EPM2AIP1: variants seen among roughly 807,000 people sequenced by gnomAD.
EPM2AIP1 encodes EPM2A-interacting protein 1.
In EPM2AIP1, 23 loss-of-function variants were observed where a neutral mutation model predicts 44.8. That is an observed-to-expected ratio of 0.51 (90% CI 0.37 to 0.73). The LOEUF is 0.73. EPM2AIP1 is among the 30% of genes least tolerant of loss of function. The pLI is 0.00. For missense variants in EPM2AIP1, 652 were observed against 743.9 expected, an observed-to-expected ratio of 0.88 and a Z score of 1.44; for synonymous variants, 311 against 284.3, an observed-to-expected ratio of 1.09 and a Z score of -0.94.
rs747579058 is a variant in EPM2AIP1, at chr3:36,990,916, C to G, written c.*338G>C. The stretch of plus-strand genomic sequence containing the variant: ...TTTTAACACTCCATTAAAATAAGAG[C>G]TGAAATTTTTGGCATTTATCTTCAG... On this transcript the variant is annotated 3_prime_UTR_variant, in exon 1 of 1. Coordinates refer to ENST00000322716, the MANE Select transcript of EPM2AIP1 (RefSeq NM_014805.4). The G allele has an allele frequency of 1.3e-4, 130 of 1,008,008 alleles. No homozygotes were observed. The highest frequency in any genetic ancestry group is 1.5e-4 in the Non-Finnish European group (123 of 844,310). 62.4% of individuals were successfully genotyped at this position (1,008,008 alleles called of 1,614,324 possible).
Position 36,989,363 on chromosome 3 carries a change from T to G in EPM2AIP1, c.*1891A>C, listed in dbSNP as rs887158035. 19 of 152,080 alleles carry G rather than the reference T, an allele frequency of 1.2e-4. No homozygotes were observed. The highest frequency in any genetic ancestry group is 4.6e-4 in the African/African-American group (19 of 41,412). 9.4% of individuals were successfully genotyped at this position (152,080 alleles called of 1,614,324 possible). ...TTACTCTATTAACCAAAATCTCAGC[T>G]TGACCATTCTTGATAAGTACCTAAT... On this transcript the variant is annotated 3_prime_UTR_variant, in exon 1 of 1. Transcript: ENST00000322716.
Position 36,991,259 on chromosome 3 carries a change from G to T in EPM2AIP1, c.1819C>A (p.Pro607Thr). The change falls in exon 1 of 1, where the codon CCA (proline) becomes ACA (threonine). Residue 607 changes from proline (P) to threonine (T), a missense_variant. Coordinates refer to ENST00000322716, the MANE Select transcript of EPM2AIP1 (RefSeq NM_014805.4). ...DLVRERNESN[P>T] ...CAATCTTGTACTACAAAGCCTTATG[G>T]ATTAGATTCATTTCTTTCTCTCACA... The T allele has an allele frequency of 6.2e-7, 1 of 1,602,962 alleles. No homozygotes were observed.
In EPM2AIP1 at chr3:36,992,429, G is replaced by T; in HGVS notation, c.649C>A (p.His217Asn). The T allele has an allele frequency of 1.2e-6, 2 of 1,613,962 alleles. No homozygotes were observed. The highest frequency in any genetic ancestry group is 1.7e-6 in the Non-Finnish European group (2 of 1,179,886). The change falls in exon 1 of 1, where the codon CAT (histidine) becomes AAT (asparagine). Residue 217 changes from histidine (H) to asparagine (N), a missense_variant. Physicochemically the swap from His to Asn is moderately conservative, Grantham distance 68. Transcript: ENST00000322716. The surrounding 1 kb of genome is among the most constrained non-coding windows in gnomAD (Gnocchi z 5.3). ...DLLTIINLTH[H>N]FSVGALMSAI... Reference sequence around the variant, plus strand: ...GACATGAGCGCACCAACACTGAAATGATGAGTCAGGTTGATTATGGTCAGA... The same window carrying T: ...GACATGAGCGCACCAACACTGAAATTATGAGTCAGGTTGATTATGGTCAGA...
Position 36,991,497 on chromosome 3 carries a change from C to A in EPM2AIP1, c.1581G>T (p.Gln527His). The stretch of plus-strand genomic sequence containing the variant: ...ATTCAGCAGACAATCCAGCATAAAA[C>A]TGCCCCAAGTCTTTGATTCTGTATT... ...WNEYRIKDLGQFYAGLSAESY... is the reference protein window; with the variant it reads ...WNEYRIKDLGHFYAGLSAESY... Residue 527 changes from glutamine (Q) to histidine (H), a missense_variant, in exon 1 of 1, where the codon CAG (glutamine) becomes CAT (histidine). Transcript: ENST00000322716. 2 of 1,613,916 alleles carry A rather than the reference C, an allele frequency of 1.2e-6. No individual in the cohort carries two copies. The highest frequency in any genetic ancestry group is 1.7e-6 in the Non-Finnish European group (2 of 1,179,842).
rs2080776768 is a variant in EPM2AIP1 at position 36,987,503 on chromosome 3, T to C, written c.*3751A>G. ...GTAAAAAAAAATAAGATTCTATACA[T>C]GGATATGCAAACTTAATATTACATA... On this transcript the variant is annotated 3_prime_UTR_variant, in exon 1 of 1. Coordinates refer to ENST00000322716, the MANE Select transcript of EPM2AIP1 (RefSeq NM_014805.4). 1 of 151,310 alleles carries C rather than the reference T, an allele frequency of 6.6e-6. No homozygotes were observed. The highest frequency in any genetic ancestry group is 6.6e-5 in the Admixed American group (1 of 15,212). The allele number at this position is 151,310 out of a possible 1,614,324, so 9.4% of individuals were successfully genotyped here.
At position 36,990,370 on chromosome 3, in the gene EPM2AIP1, T is replaced by C. The variant is rs1163117967; in HGVS notation, c.*884A>G. 6 of 977,834 alleles carry C rather than the reference T, an allele frequency of 6.1e-6. No homozygotes were observed. Among genetic ancestry groups the C allele is most frequent in the Non-Finnish European group, 7.3e-6 (6 of 823,388 alleles). The allele number at this position is 977,834 out of a possible 1,614,324, so 60.6% of individuals were successfully genotyped here. On this transcript the variant is annotated 3_prime_UTR_variant, in exon 1 of 1. Transcript: ENST00000322716. The stretch of plus-strand genomic sequence containing the variant: ...GATAAGACAAAAAAGCTAAAATATC[T>C]CACACCTCCTAATCCTGGAGTGCAA...
Position 36,990,306 on chromosome 3 carries a change from A to T in EPM2AIP1, c.*948T>A. The T allele has an allele frequency of 2.2e-6, 1 of 458,022 alleles. No individual in the cohort carries two copies. Among genetic ancestry groups the T allele is most frequent in the Non-Finnish European group, 2.9e-6 (1 of 347,936 alleles). The allele number at this position is 458,022 out of a possible 1,614,324, so 28.4% of individuals were successfully genotyped here. A position where few individuals can be genotyped will look rare whatever the true frequency, so the allele number is the denominator to read the frequency against. ...CATTTTAAAACAAAGTGTTTACTTT[A>T]GGCAGGATTTTTTAAAATAAAGCAG... On this transcript the variant is annotated 3_prime_UTR_variant, in exon 1 of 1. Transcript: ENST00000322716.
rs1185049720 is a variant in EPM2AIP1 at position 36,986,379 on chromosome 3, A to G, written c.*4875T>C. ...GAAGAGAATTCAAATTCAAGTACTTACTGGGTAGGATGAGGCAACATTTTA... is the reference window on the plus strand; with the variant it reads ...GAAGAGAATTCAAATTCAAGTACTTGCTGGGTAGGATGAGGCAACATTTTA... On this transcript the variant is annotated 3_prime_UTR_variant, in exon 1 of 1. Transcript: ENST00000322716. The G allele has an allele frequency of 6.6e-5, 10 of 152,238 alleles. No individual in the cohort carries two copies. Among genetic ancestry groups the G allele is most frequent in the Non-Finnish European group, 1.3e-4 (9 of 68,044 alleles). The allele number at this position is 152,238 out of a possible 1,614,324, so 9.4% of individuals were successfully genotyped here. A position where few individuals can be genotyped will look rare whatever the true frequency, so the allele number is the denominator to read the frequency against.
In EPM2AIP1 at chr3:36,990,615, AAC is replaced by A; in HGVS notation, c.*637_*638del. The A allele has an allele frequency of 1.0e-6, 1 of 985,594 alleles. No individual in the cohort carries two copies. Among genetic ancestry groups the A allele is most frequent in the Non-Finnish European group, 1.2e-6 (1 of 829,732 alleles). The allele number at this position is 985,594 out of a possible 1,614,324, so 61.1% of individuals were successfully genotyped here. ...ATTGCATGAAGTCTCCTATATCTGA[AAC>A]TTAAAAATGATTCTAATGACTTCCT... is the stretch of plus-strand genomic sequence containing the variant. On this transcript the variant is annotated 3_prime_UTR_variant, in exon 1 of 1. Coordinates refer to ENST00000322716, the MANE Select transcript of EPM2AIP1 (RefSeq NM_014805.4).
In EPM2AIP1 at chr3:36,985,545, A is replaced by G. The variant is rs1350964813; in HGVS notation, c.*5709T>C. On this transcript the variant is annotated 3_prime_UTR_variant, in exon 1 of 1. Transcript: ENST00000322716. Reference sequence around the variant, plus strand: ...TCTGGTTTTTCTCCCAGGTATATGCAAGGATCACACTCCTCCTAGAACTTT... The same window carrying G: ...TCTGGTTTTTCTCCCAGGTATATGCGAGGATCACACTCCTCCTAGAACTTT... The G allele has an allele frequency of 6.6e-6, 1 of 152,256 alleles. No individual in the cohort carries two copies. The highest frequency in any genetic ancestry group is 1.9e-4 in the East Asian group (1 of 5,204). 9.4% of individuals were successfully genotyped at this position (152,256 alleles called of 1,614,324 possible).
chr3:36,987,600 A>C lies in EPM2AIP1; in HGVS notation c.*3654T>G, dbSNP rs1000269549. ...TACTGTGTTTACCAGGGAAAACCGC[A>C]ATTTGTTATCCTTCTCTCCTTTCAT... is the stretch of plus-strand genomic sequence containing the variant. On this transcript the variant is annotated 3_prime_UTR_variant, in exon 1 of 1. Transcript: ENST00000322716. 1.4e-5 allele frequency: 2 copies of C among 145,228 alleles called. No homozygotes were observed. The highest frequency in any genetic ancestry group is 4.7e-4 in the South Asian group (2 of 4,214). The allele number at this position is 145,228 out of a possible 1,614,324, so 9.0% of individuals were successfully genotyped here. A position where few individuals can be genotyped will look rare whatever the true frequency, so the allele number is the denominator to read the frequency against.
chr3:36,989,852 A>C lies in EPM2AIP1; in HGVS notation c.*1402T>G, dbSNP rs567654037. ...GCACAACTTTGGTTTTTAAGCTCTT[A>C]TGCCATTTATTTTAATTGCCCAGAC... On this transcript the variant is annotated 3_prime_UTR_variant, in exon 1 of 1. Coordinates refer to ENST00000322716, the MANE Select transcript of EPM2AIP1 (RefSeq NM_014805.4). 3 of 152,164 alleles carry C rather than the reference A, an allele frequency of 2.0e-5. No individual in the cohort carries two copies. The highest frequency in any genetic ancestry group is 4.4e-5 in the Non-Finnish European group (3 of 68,030). 9.4% of individuals were successfully genotyped at this position (152,164 alleles called of 1,614,324 possible).
Position 36,992,753 on chromosome 3 carries a change from C to T in EPM2AIP1, c.325G>A (p.Ala109Thr). Residue 109 changes from alanine to threonine, a missense_variant, in exon 1 of 1, where the codon GCC (alanine) becomes ACC (threonine). Coordinates refer to ENST00000322716, the MANE Select transcript of EPM2AIP1 (RefSeq NM_014805.4). This position sits in a 1 kb window ranked among gnomAD's most constrained non-coding sequence, Gnocchi z 5.3. ...TCACCCCAGCCGCGACCCTTCAAGG[C>T]CAAGAGGCGGCAGAGCCCGAGGCCT... ...RAGLGLCRLL[A>T]LKGRGWGEGD... 3 of 1,613,908 alleles carry T rather than the reference C, an allele frequency of 1.9e-6. No individual in the cohort carries two copies. The highest frequency in any genetic ancestry group is 1.1e-5 in the South Asian group (1 of 91,092).
In EPM2AIP1 at chr3:36,992,129, C is replaced by T. The variant is rs1575368353; in HGVS notation, c.949G>A (p.Glu317Lys). The change falls in exon 1 of 1, where the codon GAA becomes AAA. Residue 317 changes from glutamate (E) to lysine (K), a missense_variant. Coordinates refer to ENST00000322716, the MANE Select transcript of EPM2AIP1 (RefSeq NM_014805.4). This position sits in a 1 kb window ranked among gnomAD's most constrained non-coding sequence, Gnocchi z 5.3. Reference sequence around the variant, plus strand: ...GATTCCGTTAGTAAAGTCTGAAATTCAGGTCGCCTAACGCCTCTGGTCTTA... The same window carrying T: ...GATTCCGTTAGTAAAGTCTGAAATTTAGGTCGCCTAACGCCTCTGGTCTTA... ...LIKTRGVRRP[E>K]FQTLLTESES... The T allele has an allele frequency of 6.2e-7, 1 of 1,613,930 alleles. No individual in the cohort carries two copies. The highest frequency in any genetic ancestry group is 1.3e-5 in the African/African-American group (1 of 74,944).
Position 36,991,318 on chromosome 3 carries a change from G to A in EPM2AIP1, c.1760C>T (p.Ala587Val), listed in dbSNP as rs776348712. The A allele has an allele frequency of 1.2e-6, 2 of 1,613,800 alleles. No homozygotes were observed. Among genetic ancestry groups the A allele is most frequent in the South Asian group, 1.1e-5 (1 of 91,078 alleles). ...DEHLQALFRVATTEMEPGWDD... is the reference protein window; with the variant it reads ...DEHLQALFRVVTTEMEPGWDD... ...CCAACCGGGCTCCATTTCAGTTGTG[G>A]CAACCCGAAACAGGGCTTGGAGATG... Residue 587 changes from alanine to valine, a missense_variant, in exon 1 of 1, where the codon GCC becomes GTC. Physicochemically the swap from Ala to Val is moderately conservative, Grantham distance 64. Coordinates refer to ENST00000322716, the MANE Select transcript of EPM2AIP1 (RefSeq NM_014805.4).
rs781599723 is a variant in EPM2AIP1 at position 36,992,790 on chromosome 3, T to C, written c.288A>G (p.Arg96=). 47 of 1,613,300 alleles carry C rather than the reference T, an allele frequency of 2.9e-5. 1 individual carries two copies. The South Asian group carries it at 4.8e-4, about 17-fold the overall frequency. The change falls in exon 1 of 1, where the codon AGA becomes AGG. Residue 96 remains arginine, a synonymous_variant. Coordinates refer to ENST00000322716, the MANE Select transcript of EPM2AIP1 (RefSeq NM_014805.4). This position sits in a 1 kb window ranked among gnomAD's most constrained non-coding sequence, Gnocchi z 5.3. The stretch of plus-strand genomic sequence containing the variant: ...AGAGCCCGAGGCCTGCACGAGCAGC[T>C]CTCTCTTCAGGAGTGAAGGAGGCCA... ...LPVASFTPEE[R]AARAGLGLCR...
chr3:36,986,730 T>G lies in EPM2AIP1; in HGVS notation c.*4524A>C, dbSNP rs1345623532. ...CAGGAAGGCAGAGATTGCATTGAGCTGAGATTGTACCTCTGCACTCCAGCC... is the reference window on the plus strand; with the variant it reads ...CAGGAAGGCAGAGATTGCATTGAGCGGAGATTGTACCTCTGCACTCCAGCC... On this transcript the variant is annotated 3_prime_UTR_variant, in exon 1 of 1. Transcript: ENST00000322716. 7.2e-6 allele frequency: 1 copy of G among 139,496 alleles called. No homozygotes were observed. Among genetic ancestry groups the G allele is most frequent in the Non-Finnish European group, 1.5e-5 (1 of 66,538 alleles). The allele number at this position is 139,496 out of a possible 1,614,324, so 8.6% of individuals were successfully genotyped here. A position where few individuals can be genotyped will look rare whatever the true frequency, so the allele number is the denominator to read the frequency against.
chr3:36,992,647 T>C lies in EPM2AIP1; in HGVS notation c.431A>G (p.Asp144Gly). 6.2e-7 allele frequency: 1 copy of C among 1,614,022 alleles called. No homozygotes were observed. Among genetic ancestry groups the C allele is most frequent in the Middle Eastern group, 1.6e-4 (1 of 6,062 alleles). Residue 144 changes from aspartate (D) to glycine (G), a missense_variant, in exon 1 of 1, where the codon GAC becomes GGC. Coordinates refer to ENST00000322716, the MANE Select transcript of EPM2AIP1 (RefSeq NM_014805.4). The surrounding 1 kb of genome is among the most constrained non-coding windows in gnomAD (Gnocchi z 5.3). The part of the protein sequence containing the change: ...PEHVSVLQGV[D>G]LSPDITRQRI... ...CTGCCTTGTGATATCTGGAGATAAG[T>C]CAACGCCTTGCAGGACGCTTACATG... is the stretch of plus-strand genomic sequence containing the variant.
Position 36,992,501 on chromosome 3 carries a change from C to G in EPM2AIP1, c.577G>C (p.Val193Leu), listed in dbSNP as rs1271718655. The G allele has an allele frequency of 6.2e-7, 1 of 1,613,938 alleles. No individual in the cohort carries two copies. The highest frequency in any genetic ancestry group is 8.5e-7 in the Non-Finnish European group (1 of 1,179,874). ...AFVAYENYLL[V>L]FIRGVGPELE... The stretch of plus-strand genomic sequence containing the variant: ...TCAGGGCCTACACCGCGGATAAAGA[C>G]CAGGAGGTAGTTCTCATAGGCCACA... Residue 193 changes from valine to leucine, a missense_variant, in exon 1 of 1, where the codon GTC (valine) becomes CTC (leucine). Physicochemically the swap from Val to Leu is conservative, Grantham distance 32 (BLOSUM62 1). Coordinates refer to ENST00000322716, the MANE Select transcript of EPM2AIP1 (RefSeq NM_014805.4). This position sits in a 1 kb window ranked among gnomAD's most constrained non-coding sequence, Gnocchi z 5.3.
Sources: allele counts gnomAD v4.1 joint callset, GRCh38; gene constraint gnomAD v4.1.1; non-coding constraint Gnocchi (gnomAD v3.1); transcripts MANE v1.5; gene names NCBI Gene and HGNC (gene_info 2026-07-23, HGNC 2026-07-21).